Variants in DAB2IP observed in about 807,000 individuals in gnomAD.
DAB2IP encodes the protein disabled homolog 2-interacting protein.
In DAB2IP, 28 loss-of-function variants were observed where a neutral mutation model predicts 107.2. The ratio of observed to expected loss-of-function variants is 0.26; its 90% CI spans 0.19 to 0.36. The LOEUF is 0.36. Among genes scored for constraint, DAB2IP ranks in the 10% least tolerant of loss-of-function variants. DAB2IP has a pLI of 1.00. For missense variants in DAB2IP, 1,400 were observed against 1,644.7 expected, an observed-to-expected ratio of 0.85 and a Z score of 2.57; for synonymous variants, 755 against 706.4, an observed-to-expected ratio of 1.07 and a Z score of -1.09.
At chr9:121,605,461 T>G (rs550538274) in intron 1 of DAB2IP, among the ~76,000 whole-genome samples, 10 of 152,300 alleles carry the variant, frequency 6.6e-5, no homozygotes, top group African/African-American at 2.4e-4. Flanking sequence ...ATTTCAGGTC[T>G]CAAATGAGAA....
chr9:121,753,328 A>G (rs1362458969), intron 3 of DAB2IP, among the ~76,000 whole-genome samples: 9 of 152,212 alleles, frequency 5.9e-5, no homozygotes. Flanking sequence ...CCAAAGCTCT[A>G]GTCTCCAAGG....
At chr9:121,679,048 CTGAGCTGGCCCGGAAAGAGAAGAGGCT>C (rs1481021946) in intron 2 of DAB2IP, among the ~76,000 whole-genome samples, 4 of 152,330 alleles carry the variant, frequency 2.6e-5, no homozygotes, top group African/African-American at 9.6e-5. Flanking sequence ...GGGCCCAGCG[CTGAGCTGGCCCGGAAAGAGAAGAGGCT>C]CTTGTTAGTT....
At chr9:121,730,969 A>G (rs1018431152) in intron 3 of DAB2IP, among the ~76,000 whole-genome samples, 12 of 152,174 alleles carry the variant, frequency 7.9e-5, no homozygotes, top group African/African-American at 2.7e-4. Context: ...GGGGACACAG[A>G]TCTCTGAAGA....
intron 1 of DAB2IP, among the ~76,000 whole-genome samples, chr9:121,623,672 T>TTA (rs1160776346): frequency 2.6e-5 from 4 of 151,824 alleles, no homozygotes; most frequent in African/African-American, 9.7e-5. Context: ...CTGGCCAGGG[T>TTA]TAAGGTTGTT....
rs112008630 is a variant in DAB2IP at position 121,761,421 on chromosome 9, C to T, written c.1170+982C>T. Among the ~76,000 whole-genome samples the T allele has an allele frequency of 3.0e-3, 458 of 152,340 alleles. 1 individual carries two copies. The highest frequency in any genetic ancestry group is 5.4e-3 in the Non-Finnish European group (364 of 68,030). ...CTGAGGGGCACCCTGTGTCAAGGTC[C>T]TAGGCCCTTAGCTCTGGGTCGGGGA... On this transcript the variant is annotated intron_variant, in intron 6 of 15. Coordinates refer to ENST00000408936, the Ensembl canonical transcript of DAB2IP.
intron 3 of DAB2IP, among the ~76,000 whole-genome samples, chr9:121,713,268 T>C (rs900724262): frequency 8.5e-5 from 13 of 152,126 alleles, no homozygotes; most frequent in African/African-American, 2.7e-4. Context: ...AGAAACCATT[T>C]GCTCCCTGGA....
intron 3 of DAB2IP, among the ~76,000 whole-genome samples, chr9:121,744,136 C>T (rs1832550486): frequency 6.6e-6 from 1 of 152,204 alleles, no homozygotes; most frequent in Non-Finnish European, 1.5e-5. Context: ...GAACCTTTGG[C>T]TGGCTGGGTG....
At chr9:121,665,724 T>C (rs1272562501) in intron 1 of DAB2IP, among the ~76,000 whole-genome samples, 2 of 152,250 alleles carry the variant, frequency 1.3e-5, no homozygotes, top group African/African-American at 4.8e-5. Context: ...AAAGGTGCAT[T>C]ATGGAGAAAG....
At chr9:121,632,692 C>T (rs1831939392) in intron 1 of DAB2IP, among the ~76,000 whole-genome samples, 1 of 152,216 alleles carries the variant, frequency 6.6e-6, no homozygotes, top group Admixed American at 6.5e-5. Context: ...CAGGAGTTCC[C>T]AGGGTCGGGA....
At chr9:121,625,796 T>C (rs1831624379) in intron 1 of DAB2IP, among the ~76,000 whole-genome samples, 1 of 152,144 alleles carries the variant, frequency 6.6e-6, no homozygotes, top group Admixed American at 6.5e-5. Flanking sequence ...TTTATTTTAA[T>C]ATGTGATCTA....
chr9:121,754,849 C>T lies in DAB2IP; in HGVS notation c.363-2164C>T, dbSNP rs184574214. On this transcript the variant is annotated intron_variant, in intron 3 of 15. Coordinates refer to ENST00000408936, the Ensembl canonical transcript of DAB2IP. ...CCTCTCCACAGCCAGCTCATTCATG[C>T]GCCCCAGGCAGGAGGCGGCCTCAGC... is the stretch of plus-strand genomic sequence containing the variant. 8.2e-3 allele frequency among the ~76,000 whole-genome samples: 1,248 copies of T among 152,282 alleles called. 14 individuals carry two copies. The highest frequency in any genetic ancestry group is 0.024 in the African/African-American group (1,007 of 41,558).
intron 1 of DAB2IP, among the ~76,000 whole-genome samples, chr9:121,631,296 T>G (rs1831869039): frequency 6.6e-6 from 1 of 152,148 alleles, no homozygotes; most frequent in African/African-American, 2.4e-5. Context: ...GGGACCTGAT[T>G]GACCATCCTG....
At chr9:121,783,195 G>T (rs1588028133) in exon 16 of DAB2IP, 12 of 1,064,124 alleles carry the variant, frequency 1.1e-5, no homozygotes, top group East Asian at 1.5e-4. Context: ...TAGTTGTATT[G>T]CCAGATAGAC....
intron 1 of DAB2IP, among the ~76,000 whole-genome samples, chr9:121,584,568 C>T (rs1312131232): frequency 1.3e-5 from 2 of 152,226 alleles, no homozygotes; most frequent in Non-Finnish European, 2.9e-5. Context: ...AGAGCTACCT[C>T]TAGCTCCTGG....
chr9:121,673,435 T>C (rs1833761073), intron 1 of DAB2IP, among the ~76,000 whole-genome samples: 1 of 152,180 alleles, frequency 6.6e-6, no homozygotes, highest in African/African-American at 2.4e-5. Context: ...GGATTACATT[T>C]GAAAGGGTCC....
At chr9:121,593,998 C>T (rs1589384432) in intron 1 of DAB2IP, among the ~76,000 whole-genome samples, 2 of 152,028 alleles carry the variant, frequency 1.3e-5, no homozygotes, top group African/African-American at 4.8e-5. Flanking sequence ...TGATCAAGTT[C>T]TTTCCATCCT....
chr9:121,647,567 T>G (rs141257596), upstream of DAB2IP, among the ~76,000 whole-genome samples: 125 of 152,158 alleles, frequency 8.2e-4, no homozygotes, highest in African/African-American at 2.9e-3. Flanking sequence ...TGCTGATGGT[T>G]TTCTGCCTAG....
intron 1 of DAB2IP, among the ~76,000 whole-genome samples, chr9:121,579,567 C>A (rs951155462): frequency 6.6e-6 from 1 of 152,068 alleles, no homozygotes; most frequent in African/African-American, 2.4e-5. Context: ...TCTGCCTTGC[C>A]GGTACCACCC....
rs145772787 is a variant in DAB2IP at position 121,680,459 on chromosome 9, G to A, written c.228+1678G>A. On this transcript the variant is annotated intron_variant, in intron 2 of 15. Coordinates refer to ENST00000408936, the Ensembl canonical transcript of DAB2IP. Reference sequence around the variant, plus strand: ...GAAGCCTGCGCTGAGACGATTCAGGGTCATGGCCCTGAGTTTGGCCAGGGG... The same window carrying A: ...GAAGCCTGCGCTGAGACGATTCAGGATCATGGCCCTGAGTTTGGCCAGGGG... Among the ~76,000 whole-genome samples, 574 of 152,256 alleles carry A rather than the reference G, an allele frequency of 3.8e-3. 4 individuals carry two copies. The highest frequency in any genetic ancestry group is 0.013 in the African/African-American group (560 of 41,548).
Sources: gnomAD v4.1 joint callset for allele counts (sites outside exome capture counted in the v4.1 genomes callset) on GRCh38, gnomAD v4.1.1 for gene constraint, MANE v1.5 for transcripts, NCBI Gene and HGNC (gene_info 2026-07-23, HGNC 2026-07-21) for gene names.